Variants in SLC52A3 observed in about 807,000 individuals in gnomAD.
The protein encoded by SLC52A3 is solute carrier family 52, riboflavin transporter, member 3.
A neutral mutation model predicts 29.5 loss-of-function variants in SLC52A3; 20 were observed. The ratio of observed to expected loss-of-function variants is 0.68; its 90% CI spans 0.48 to 0.99. The LOEUF is 0.99. Ranked by LOEUF, SLC52A3 falls within the 50% of genes least tolerant of loss-of-function variation. The probability of loss-of-function intolerance (pLI) is 0.00; values close to 1 mark genes in which losing one functional copy is unlikely to be tolerated. For synonymous variants in SLC52A3, 301 were observed against 271.0 expected (o/e 1.11, Z -1.09); for missense variants, 548 against 612.9 (o/e 0.89, Z 1.12).
intron 1 of SLC52A3, among the ~76,000 whole-genome samples, chr20:775,070 C>T (rs1378340810): frequency 6.6e-6 from 1 of 152,206 alleles, no homozygotes; most frequent in Non-Finnish European, 1.5e-5. Flanking sequence ...CCCTTCTCCT[C>T]CCTCCCAAGG....
upstream of SLC52A3, among the ~76,000 whole-genome samples, chr20:779,985 C>T (rs527588680): frequency 5.1e-4 from 77 of 152,316 alleles, no homozygotes; most frequent in Non-Finnish European, 8.5e-4. Flanking sequence ...GGTTCCCGGC[C>T]TCTCAGAAAG....
upstream of SLC52A3, among the ~76,000 whole-genome samples, chr20:771,018 G>A (rs1317962590): frequency 6.6e-6 from 1 of 152,212 alleles, no homozygotes; most frequent in Non-Finnish European, 1.5e-5. Context: ...ACCCATACCA[G>A]CCCTGTTTTG....
At chr20:770,398 T>G (rs1267602386), upstream of SLC52A3, among the ~76,000 whole-genome samples, 1 of 152,164 alleles carries the variant, frequency 6.6e-6, no homozygotes, top group Admixed American at 6.5e-5. This position sits in a 1 kb window ranked among gnomAD's most constrained non-coding sequence, Gnocchi z 4.5. Flanking sequence ...GTTCAAGTGA[T>G]CCCCACGCCT....
chr20:777,072 C>T (rs1987062329), upstream of SLC52A3, among the ~76,000 whole-genome samples: 1 of 151,990 alleles, frequency 6.6e-6, no homozygotes, highest in East Asian at 1.9e-4. Context: ...CCTGTCTCCA[C>T]TAAAAATACA....
Position 774,615 on chromosome 20 carries a change from C to A in SLC52A3, c.-238+1340G>T, listed in dbSNP as rs568964928. On this transcript the variant is annotated intron_variant, in intron 1 of 5. Coordinates refer to the SLC52A3 transcript ENST00000217254. ...AGAGACAGGGAAAAATGAGAAGCTG[C>A]GGCTGAGAGGGAGGCAGGGAGGTGC... Among the ~76,000 whole-genome samples the A allele has an allele frequency of 3.0e-4, 45 of 152,258 alleles. No individual in the cohort carries two copies. In the South Asian group the frequency reaches 7.5e-3, roughly 25 times the overall value.
intron 1 of SLC52A3, among the ~76,000 whole-genome samples, chr20:773,582 G>A (rs950609182): frequency 1.3e-5 from 2 of 152,130 alleles, no homozygotes; most frequent in Admixed American, 6.5e-5. Context: ...CAGAGAAAGA[G>A]AGAAATGGGG....
upstream of SLC52A3, among the ~76,000 whole-genome samples, chr20:772,719 T>G (rs570153): frequency 0.91 from 138,790 of 152,002 alleles, 64,510 homozygotes; most frequent in East Asian, 1. Context: ...TCTCAGGAAG[T>G]TGGAGGAAGC....
rs542163729 is a variant in SLC52A3 at position 763,749 on chromosome 20, G to A, written c.822C>T (p.Gly274=). ...GGCTGCTGTCCACCGTGCCTGCAGG[G>A]CCCAAGTCATTCTCTTCCCGCGGCC... ...SIRPREENDL[G]PAGTVDSSQG... The change falls in exon 3 of 5, where the codon GGC becomes GGT. Residue 274 remains glycine, a synonymous_variant. Transcript: ENST00000645534. 1.9e-6 allele frequency: 3 copies of A among 1,614,184 alleles called. No individual in the cohort carries two copies. Among genetic ancestry groups the A allele is most frequent in the South Asian group, 1.1e-5 (1 of 91,086 alleles).
chr20:761,696 C>T lies in SLC52A3; in HGVS notation c.1197+5G>A. The T allele has an allele frequency of 6.2e-7, 1 of 1,613,758 alleles. No individual in the cohort carries two copies. Among genetic ancestry groups the T allele is most frequent in the Non-Finnish European group, 8.5e-7 (1 of 1,179,942 alleles). ...CGGGAGCAGCCCCACCGGCCGGATA[C>T]TCACAATGAGGACTTCCCCACCCCA... On this transcript the variant is annotated splice_donor_5th_base_variant and intron_variant, in intron 4 of 4. Coordinates refer to ENST00000645534, the MANE Select transcript of SLC52A3 (RefSeq NM_033409.4).
Position 765,120 on chromosome 20 carries a change from C to T in SLC52A3, c.567+88G>A, listed in dbSNP as rs894614883. 2 of 1,466,822 alleles carry T rather than the reference C, an allele frequency of 1.4e-6. No homozygotes were observed. The highest frequency in any genetic ancestry group is 1.9e-6 in the Non-Finnish European group (2 of 1,052,992). The allele number at this position is 1,466,822 out of a possible 1,614,324, so 90.9% of individuals were successfully genotyped here. A position where few individuals can be genotyped will look rare whatever the true frequency, so the allele number is the denominator to read the frequency against. ...TTTAACTCATAGGCCGACCAAAGAACCTAGAAGGATGGAGGTGAGCAGTTT... is the reference window on the plus strand; with the variant it reads ...TTTAACTCATAGGCCGACCAAAGAATCTAGAAGGATGGAGGTGAGCAGTTT... On this transcript the variant is annotated intron_variant, in intron 2 of 4. Transcript: ENST00000645534. This position sits in a 1 kb window ranked among gnomAD's most constrained non-coding sequence, Gnocchi z 6.6.
At chr20:779,294 A>C (rs1466081050), upstream of SLC52A3, among the ~76,000 whole-genome samples, 1 of 152,246 alleles carries the variant, frequency 6.6e-6, no homozygotes, top group Non-Finnish European at 1.5e-5. Context: ...ATTTTATAAA[A>C]GGGAATTTAT....
chr20:772,610 T>G (rs529027088), upstream of SLC52A3, among the ~76,000 whole-genome samples: 7 of 151,900 alleles, frequency 4.6e-5, no homozygotes, highest in African/African-American at 7.3e-5. Context: ...TTGTTGTTGT[T>G]GTTTGTTTGT....
intron 3 of SLC52A3, among the ~76,000 whole-genome samples, chr20:763,202 C>T (rs1001263692): frequency 2.6e-5 from 4 of 152,244 alleles, no homozygotes; most frequent in Admixed American, 6.5e-5. Flanking sequence ...GGACCTGCCA[C>T]GTGCCAGGCA....
chr20:779,109 T>A (rs1987145022), upstream of SLC52A3, among the ~76,000 whole-genome samples: 1 of 152,166 alleles, frequency 6.6e-6, no homozygotes, highest in African/African-American at 2.4e-5. Context: ...GTGAAGGAAG[T>A]TTCTTTAGGG....
Position 763,811 on chromosome 20 carries a change from C to T in SLC52A3, c.760G>A (p.Asp254Asn). The T allele has an allele frequency of 1.9e-6, 3 of 1,614,090 alleles. No homozygotes were observed. Among genetic ancestry groups the T allele is most frequent in the Non-Finnish European group, 2.5e-6 (3 of 1,179,986 alleles). The change falls in exon 3 of 5, where the codon GAC (aspartate) becomes AAC (asparagine). Residue 254 changes from aspartate (D) to asparagine (N), a missense_variant. This residue lies in a region of SLC52A3 where 375 missense variants were observed against 471.1 expected (regional missense o/e 0.80). Coordinates refer to ENST00000645534, the MANE Select transcript of SLC52A3 (RefSeq NM_033409.4). ...AGGGTGACCTGGTCATTGAGGAGGT[C>T]TTCCACGGAAGCCTCCCAGCACCTG... is the stretch of plus-strand genomic sequence containing the variant. ...QPRCWEASVE[D>N]LLNDQVTLHS... is the part of the protein sequence containing the mutation.
chr20:766,345 TA>T, intron 1 of SLC52A3: 1 of 154,360 alleles, frequency 6.5e-6, no homozygotes. Flanking sequence ...CTGCAAAAGA[TA>T]CCAACAGCAA....
chr20:769,583 G>GT (rs34378278), upstream of SLC52A3, among the ~76,000 whole-genome samples: 25,938 of 152,184 alleles, frequency 0.17, 2,334 homozygotes, highest in African/African-American at 0.22. Context: ...TTCAGCAAAC[G>GT]TATCAGTTGC....
At chr20:773,050 G>A (rs1188236307), upstream of SLC52A3, among the ~76,000 whole-genome samples, 1 of 152,238 alleles carries the variant, frequency 6.6e-6, no homozygotes, top group Non-Finnish European at 1.5e-5. Context: ...TGGCCCTGTG[G>A]TGACAGCTTG....
At position 765,744 on chromosome 20, in the gene SLC52A3, C is replaced by G. The variant is rs746808726; in HGVS notation, c.31G>C (p.Val11Leu). ...GTCACCCAGGAGCCCATTCCGAAGACGCAGACCAGCAGGTGCATCAGGAAG... is the reference window on the plus strand; with the variant it reads ...GTCACCCAGGAGCCCATTCCGAAGAGGCAGACCAGCAGGTGCATCAGGAAG... MAFLMHLLVCVFGMGSWVTIN... is the reference protein window; with the variant it reads MAFLMHLLVCLFGMGSWVTIN... Residue 11 changes from valine to leucine, a missense_variant, in exon 2 of 5, where the codon GTC (valine) becomes CTC (leucine). Val to Leu is a conservative substitution (Grantham distance 32). Around this residue, in one of 2 missense-constraint regions of SLC52A3, gnomAD observed 375 missense variants for 471.1 expected, o/e 0.80. Coordinates refer to ENST00000645534, the MANE Select transcript of SLC52A3 (RefSeq NM_033409.4). The surrounding 1 kb of genome is among the most constrained non-coding windows in gnomAD (Gnocchi z 6.6). 5.6e-6 allele frequency: 9 copies of G among 1,611,070 alleles called. No homozygotes were observed. The South Asian group carries it at 9.9e-5, about 18-fold the overall frequency.
Sources: gnomAD v4.1 joint callset for allele counts (sites outside exome capture counted in the v4.1 genomes callset) on GRCh38, gnomAD v4.1.1 for gene constraint, gnomAD v4.1.1 regional missense constraint, Gnocchi (gnomAD v3.1) non-coding constraint, MANE v1.5 for transcripts, NCBI Gene and HGNC (gene_info 2026-07-23, HGNC 2026-07-21) for gene names.